The following OCA2 variants were observed in gnomAD, a reference collection of about 807,000 sequenced individuals.
The protein encoded by OCA2 is P protein.
OCA2 carries 77 observed loss-of-function variants against 100.2 expected under a neutral mutation model. The observed-to-expected ratio is 0.77, with a 90% CI of 0.64 to 0.93. The LOEUF (loss-of-function observed/expected upper bound fraction) is 0.93. OCA2 is among the 40% of genes least tolerant of loss of function. The pLI, the probability that OCA2 is intolerant of heterozygous loss-of-function variation, is 0.00. For missense variants in OCA2, 1,062 were observed against 1,089.1 expected, an observed-to-expected ratio of 0.98 and a Z score of 0.35; for synonymous variants, 432 against 439.2, an observed-to-expected ratio of 0.98 and a Z score of 0.21.
intron 22 of OCA2, among the ~76,000 whole-genome samples, chr15:27,850,157 G>A (rs772607219): frequency 3.1e-4 from 47 of 152,192 alleles, no homozygotes; most frequent in African/African-American, 1.0e-3. Flanking sequence ...ACTAGCTCAC[G>A]AGGCCTGTCA....
rs561367369 is a variant in OCA2 at position 27,850,215 on chromosome 15, G to A, written c.2338+1167C>T. ...CTTCCCTGTCTGCAGAACCTCCTCC[G>A]ATGTCTCCAGTCTCTCCTCAGGGCC... is the stretch of plus-strand genomic sequence containing the variant. On this transcript the variant is annotated intron_variant, in intron 22 of 23. Coordinates refer to ENST00000354638, the MANE Select transcript of OCA2 (RefSeq NM_000275.3). 1.4e-4 allele frequency among the ~76,000 whole-genome samples: 22 copies of A among 152,204 alleles called. No homozygotes were observed. In the East Asian group the frequency reaches 2.3e-3, roughly 16 times the overall value.
chr15:28,036,823 G>A (rs1321217033), intron 2 of OCA2, among the ~76,000 whole-genome samples: 2 of 152,128 alleles, frequency 1.3e-5, no homozygotes, highest in African/African-American at 2.4e-5. Context: ...TTGGGGAGGT[G>A]GTGATTGGGG....
At chr15:27,814,929 T>A (rs192345091) in intron 23 of OCA2, among the ~76,000 whole-genome samples, 7 of 149,448 alleles carry the variant, frequency 4.7e-5, no homozygotes, top group African/African-American at 1.7e-4. Flanking sequence ...GATAGATAGA[T>A]AGATAGATAG....
intron 23 of OCA2, among the ~76,000 whole-genome samples, chr15:27,763,836 T>G (rs1566942612): frequency 1.3e-5 from 2 of 152,182 alleles, no homozygotes; most frequent in Non-Finnish European, 2.9e-5. Flanking sequence ...CTGTGTCCAT[T>G]TAACAAGGCA....
chr15:28,040,477 A>C (rs2043171372), intron 2 of OCA2, among the ~76,000 whole-genome samples: 1 of 152,214 alleles, frequency 6.6e-6, no homozygotes, highest in Non-Finnish European at 1.5e-5. Flanking sequence ...ACTAAACTAA[A>C]AAGCTAACAG....
In OCA2 at chr15:27,955,141, G is replaced by A. The variant is rs147311864; in HGVS notation, c.1842+17C>T. On this transcript the variant is annotated intron_variant, in intron 17 of 23. Transcript: ENST00000354638. ...GAGAAGTGAATCAGAAATCCCTGAG[G>A]AAAGAAAGCTGGGTACCTTTTTTTG... The A allele has an allele frequency of 1.3e-3, 2,009 of 1,592,474 alleles. 27 individuals are homozygous for A. The African/African-American group carries it at 0.023, about 19-fold the overall frequency.
At chr15:27,801,529 C>T (rs1359755491) in intron 23 of OCA2, among the ~76,000 whole-genome samples, 10 of 114,510 alleles carry the variant, frequency 8.7e-5, no homozygotes, top group Non-Finnish European at 1.4e-4. Context: ...TTCAGCCTGG[C>T]GACAGAGTGA....
chr15:27,755,344 T>C lies in OCA2; in HGVS notation c.*44A>G, dbSNP rs751149175. 3.5e-6 allele frequency: 5 copies of C among 1,429,314 alleles called. No homozygotes were observed. The African/African-American group carries it at 4.2e-5, about 12-fold the overall frequency. The allele number at this position is 1,429,314 out of a possible 1,614,324, so 88.5% of individuals were successfully genotyped here. A position where few individuals can be genotyped will look rare whatever the true frequency, so the allele number is the denominator to read the frequency against. On this transcript the variant is annotated 3_prime_UTR_variant, in exon 24 of 24. Coordinates refer to ENST00000354638, the MANE Select transcript of OCA2 (RefSeq NM_000275.3). ...TAGTTTTATGACTAATGGGTTGTGA[T>C]GGATGAAGTTTCCTTTAGTCTTCGA...
intron 4 of OCA2, among the ~76,000 whole-genome samples, chr15:28,025,436 A>G (rs1057400826): frequency 6.6e-6 from 1 of 152,128 alleles, no homozygotes; most frequent in Non-Finnish European, 1.5e-5. Flanking sequence ...CTCAGCCCCT[A>G]CCAAGGACTT....
At chr15:27,947,145 G>C (rs1456830400) in intron 18 of OCA2, among the ~76,000 whole-genome samples, 2 of 152,190 alleles carry the variant, frequency 1.3e-5, no homozygotes, top group Non-Finnish European at 2.9e-5. Context: ...CATTCTGAAG[G>C]CTCCTGTGTA....
chr15:27,766,763 G>C (rs945356849), intron 23 of OCA2, among the ~76,000 whole-genome samples: 2 of 152,176 alleles, frequency 1.3e-5, no homozygotes, highest in African/African-American at 4.8e-5. Flanking sequence ...CTTCCCAGGA[G>C]GGCACCTACC....
At chr15:27,775,848 G>A (rs542180205) in intron 23 of OCA2, among the ~76,000 whole-genome samples, 9 of 152,262 alleles carry the variant, frequency 5.9e-5, no homozygotes, top group African/African-American at 1.9e-4. Flanking sequence ...GACTGGATGA[G>A]GGCTCGGCCC....
At chr15:27,796,188 G>A (rs2033323015) in intron 23 of OCA2, among the ~76,000 whole-genome samples, 1 of 152,196 alleles carries the variant, frequency 6.6e-6, no homozygotes, top group African/African-American at 2.4e-5. Context: ...TTTATTTGTT[G>A]GAACAACACC....
chr15:27,935,835 G>C lies in OCA2; in HGVS notation c.1952-9581C>G, dbSNP rs533684294. 3.3e-5 allele frequency among the ~76,000 whole-genome samples: 5 copies of C among 152,282 alleles called. No homozygotes were observed. The East Asian group carries it at 9.6e-4, about 29-fold the overall frequency. ...TGTCATCTTTTATAAAAGATATACT[G>C]TACAGTTCCTTGCCCTGGACATTGT... On this transcript the variant is annotated intron_variant, in intron 18 of 23. Coordinates refer to ENST00000354638, the MANE Select transcript of OCA2 (RefSeq NM_000275.3).
rs751309779 is a variant in OCA2 at position 28,018,538 on chromosome 15, G to A, written c.666C>T (p.His222=). Residue 222 remains histidine (H), a synonymous_variant, in exon 7 of 24, where the codon CAC becomes CAT. Transcript: ENST00000354638. The stretch of plus-strand genomic sequence containing the variant: ...CCACCTGCAGCAGCGTGGAGTCCAC[G>A]TGGCTGCTAAGGTTCACGGCTCGGA... ...LENYSVNLSS[H]VDSTLLQVDL... The A allele has an allele frequency of 1.5e-4, 237 of 1,613,398 alleles. No homozygotes were observed. The highest frequency in any genetic ancestry group is 1.9e-4 in the Non-Finnish European group (228 of 1,179,956).
At position 27,803,181 on chromosome 15, in the gene OCA2, C is replaced by T. The variant is rs139392181; in HGVS notation, c.2432+41778G>A. Among the ~76,000 whole-genome samples the T allele has an allele frequency of 5.2e-3, 732 of 139,476 alleles. 1 individual carries two copies. Among genetic ancestry groups the T allele is most frequent in the Non-Finnish European group, 8.3e-3 (514 of 61,644 alleles). The allele number at this position is 139,476 out of a possible 152,430, so 91.5% of individuals were successfully genotyped here. ...CAACATCACTACTTAGCAGGAAACC[C>T]TAAGTTTAAACCACGACGAGACAAA... On this transcript the variant is annotated intron_variant, in intron 23 of 23. Coordinates refer to ENST00000354638, the MANE Select transcript of OCA2 (RefSeq NM_000275.3).
intron 15 of OCA2, among the ~76,000 whole-genome samples, chr15:27,961,662 G>A (rs991468912): frequency 2.0e-5 from 3 of 152,308 alleles, no homozygotes; most frequent in Middle Eastern, 3.4e-3. Context: ...CATGGATTAA[G>A]CTGGAAACCA....
At chr15:28,089,781 G>C (rs72625135) in intron 1 of OCA2, among the ~76,000 whole-genome samples, 2 of 152,104 alleles carry the variant, frequency 1.3e-5, no homozygotes, top group African/African-American at 4.8e-5. Flanking sequence ...ACAGACACTG[G>C]GGACTACTGG....
At chr15:27,737,775 G>A in the OCA2 span, among the ~76,000 whole-genome samples, 5,023 of 152,216 alleles carry the variant, frequency 0.033, 180 homozygotes, top group African/African-American at 0.095. Flanking sequence ...CTTTTGTTGC[G>A]ATCAAATATG....
Sources: gnomAD v4.1 joint callset for allele counts (sites outside exome capture counted in the v4.1 genomes callset) on GRCh38, gnomAD v4.1.1 for gene constraint, MANE v1.5 for transcripts, NCBI Gene and HGNC (gene_info 2026-07-23, HGNC 2026-07-21) for gene names.